The following RNGTT variants were observed in gnomAD, a reference collection of about 807,000 sequenced individuals.
RNGTT encodes mRNA-capping enzyme.
Under a neutral mutation model 79.3 loss-of-function variants are expected in RNGTT, and 33 were observed. The ratio of observed to expected loss-of-function variants is 0.42; its 90% confidence interval spans 0.32 to 0.56. The LOEUF is 0.56. Ranked by LOEUF, RNGTT falls within the 20% of genes least tolerant of loss-of-function variation. The pLI, the probability that RNGTT is intolerant of heterozygous loss-of-function variation, is 0.17. For missense variants in RNGTT, 497 were observed against 739.1 expected (o/e 0.67, Z 3.80); for synonymous variants, 222 against 235.9 (o/e 0.94, Z 0.54).
At chr6:88,875,673 A>G (rs1244639381) in intron 8 of RNGTT, among the ~76,000 whole-genome samples, 2 of 152,170 alleles carry the variant, frequency 1.3e-5, no homozygotes, top group Non-Finnish European at 2.9e-5. Flanking sequence ...TAAATGAGAT[A>G]AATGTTCTAT....
intron 4 of RNGTT, among the ~76,000 whole-genome samples, chr6:88,909,484 G>A (rs766384552): frequency 1.3e-5 from 2 of 152,190 alleles, no homozygotes; most frequent in South Asian, 2.1e-4. Flanking sequence ...AAGCACAGGG[G>A]ACTGGTAGGT....
At chr6:88,842,714 C>T (rs779851887) in intron 11 of RNGTT, among the ~76,000 whole-genome samples, 9 of 152,114 alleles carry the variant, frequency 5.9e-5, no homozygotes, top group Admixed American at 1.3e-4. Flanking sequence ...AGATGAAGGG[C>T]TTCTTAAGCA....
At chr6:88,906,993 A>G (rs996491037) in intron 4 of RNGTT, among the ~76,000 whole-genome samples, 1 of 152,250 alleles carries the variant, frequency 6.6e-6, no homozygotes, top group Non-Finnish European at 1.5e-5. Flanking sequence ...GTGACTAGCT[A>G]CAGAAAATAA....
intron 12 of RNGTT, among the ~76,000 whole-genome samples, chr6:88,780,002 A>AAATT (rs1381073489): frequency 6.6e-6 from 1 of 152,084 alleles, no homozygotes; most frequent in African/African-American, 2.4e-5. Flanking sequence ...TCAAATAAAT[A>AAATT]AATTAATTAA....
intron 14 of RNGTT, among the ~76,000 whole-genome samples, chr6:88,636,331 T>A (rs1193135567): frequency 6.6e-6 from 1 of 152,020 alleles, no homozygotes; most frequent in Non-Finnish European, 1.5e-5. Context: ...TTAGAGTAAT[T>A]CCAATTTATT....
At chr6:88,624,547 A>G (rs527362524) in intron 14 of RNGTT, among the ~76,000 whole-genome samples, 4 of 151,946 alleles carry the variant, frequency 2.6e-5, no homozygotes, top group Non-Finnish European at 5.9e-5. Flanking sequence ...ACGCATCTCA[A>G]TCTACATCAT....
intron 6 of RNGTT, among the ~76,000 whole-genome samples, chr6:88,902,193 A>AAAAAAT (rs1215816443): frequency 2.6e-5 from 4 of 152,102 alleles, no homozygotes; most frequent in African/African-American, 9.7e-5. Flanking sequence ...TCTCTTTAAA[A>AAAAAAT]AAAAATAAAA....
chr6:88,890,442 T>G, intron 8 of RNGTT, 53 bp downstream of exon 8: 1 of 1,105,324 alleles, frequency 9.0e-7, no homozygotes, highest in South Asian at 1.4e-5. Flanking sequence ...AATAAAACAA[T>G]ATTCTTCAAG....
chr6:88,681,806 T>G (rs113339049), intron 13 of RNGTT, among the ~76,000 whole-genome samples: 1 of 152,156 alleles, frequency 6.6e-6, no homozygotes, highest in Non-Finnish European at 1.5e-5. Flanking sequence ...TACCATAACC[T>G]TTATACAAAT....
chr6:88,713,682 T>A (rs1388645464), intron 13 of RNGTT, among the ~76,000 whole-genome samples: 2 of 152,196 alleles, frequency 1.3e-5, no homozygotes, highest in South Asian at 2.1e-4. Context: ...TTGTAAAAAA[T>A]TAAATGGAAT....
intron 11 of RNGTT, among the ~76,000 whole-genome samples, chr6:88,814,301 G>T (rs1241833859): frequency 6.6e-6 from 1 of 152,070 alleles, no homozygotes; most frequent in Non-Finnish European, 1.5e-5. Flanking sequence ...GTTGCTTCTA[G>T]GTGAATTTCC....
chr6:88,878,329 T>C (rs1782586353), intron 8 of RNGTT, among the ~76,000 whole-genome samples: 2 of 152,056 alleles, frequency 1.3e-5, no homozygotes, highest in East Asian at 3.9e-4. Flanking sequence ...ACTCCTGACC[T>C]GAAGTGATCC....
chr6:88,845,803 T>C (rs567932393), intron 10 of RNGTT, among the ~76,000 whole-genome samples: 1 of 152,316 alleles, frequency 6.6e-6, no homozygotes, highest in South Asian at 2.1e-4. Context: ...CATAAAGGCA[T>C]ACAACCATCT....
At chr6:88,680,192 T>C (rs112919080) in intron 13 of RNGTT, among the ~76,000 whole-genome samples, 2,041 of 152,284 alleles carry the variant, frequency 0.013, 41 homozygotes, top group African/African-American at 0.046. Context: ...TAAATTCTGT[T>C]AGTGATTTCA....
intron 1 of RNGTT, among the ~76,000 whole-genome samples, chr6:88,948,194 C>CT (rs1562075229): frequency 2.4e-4 from 7 of 29,326 alleles, no homozygotes; most frequent in Non-Finnish European, 4.2e-4. Context: ...GGGGTCAGCC[C>CT]CCCCGCCCGG....
chr6:88,783,462 A>C (rs761695720), intron 12 of RNGTT, among the ~76,000 whole-genome samples: 10 of 152,192 alleles, frequency 6.6e-5, no homozygotes, highest in Non-Finnish European at 1.2e-4. Flanking sequence ...GATGTTAATT[A>C]GCTGGAATGT....
At chr6:88,921,692 T>A (rs1447942263) in intron 4 of RNGTT, among the ~76,000 whole-genome samples, 2 of 152,156 alleles carry the variant, frequency 1.3e-5, no homozygotes, top group Non-Finnish European at 2.9e-5. Flanking sequence ...TTGGTAATTA[T>A]CATTTTGCTG....
chr6:88,797,941 C>CAAA (rs143559265), intron 12 of RNGTT, among the ~76,000 whole-genome samples: 51 of 65,776 alleles, frequency 7.8e-4, no homozygotes, highest in East Asian at 3.7e-3. Context: ...AAGCAAAAGC[C>CAAA]AAAAAAAAAA....
intron 14 of RNGTT, among the ~76,000 whole-genome samples, chr6:88,665,962 C>T (rs992316489): frequency 2.6e-5 from 4 of 152,186 alleles, no homozygotes; most frequent in African/African-American, 4.8e-5. Flanking sequence ...TATCCGACAG[C>T]GGGAGTGCAG....
Sources: allele counts gnomAD v4.1 joint callset (sites outside exome capture counted in the v4.1 genomes callset), GRCh38; gene constraint gnomAD v4.1.1; transcripts MANE v1.5; gene names NCBI Gene and HGNC (gene_info 2026-07-23, HGNC 2026-07-21).